Variants in RANBP2 observed in about 807,000 individuals in gnomAD.
The protein encoded by RANBP2 is E3 SUMO-protein ligase RanBP2.
A neutral mutation model predicts 303.6 loss-of-function variants in RANBP2; 57 were observed. The ratio of observed to expected loss-of-function variants is 0.19; its 90% CI spans 0.15 to 0.23. RANBP2 has a LOEUF of 0.23. RANBP2 is among the 10% of genes least tolerant of loss of function. The probability of loss-of-function intolerance (pLI) is 1.00; values close to 1 mark genes in which losing one functional copy is unlikely to be tolerated. For missense variants in RANBP2, 3,138 were observed against 3,780.8 expected (o/e 0.83, Z 4.46); for synonymous variants, 1,167 against 1,301.5 (o/e 0.90, Z 2.23).
the RANBP2 span, among the ~76,000 whole-genome samples, chr2:108,991,250 C>A: frequency 1.3e-5 from 2 of 152,036 alleles, no homozygotes; most frequent in East Asian, 3.9e-4. Context: ...ATAATTAATT[C>A]AGTTGATTAA....
At chr2:109,569,025 A>G in the RANBP2 span, among the ~76,000 whole-genome samples, 11 of 152,226 alleles carry the variant, frequency 7.2e-5, no homozygotes, top group African/African-American at 2.7e-4. Context: ...AGCTCCACAA[A>G]TTTGTGACTG....
At chr2:109,008,078 A>G in the RANBP2 span, among the ~76,000 whole-genome samples, 6 of 152,300 alleles carry the variant, frequency 3.9e-5, no homozygotes, top group South Asian at 6.2e-4. Flanking sequence ...AGAGCATTTT[A>G]CGGAACTGGC....
the RANBP2 span, among the ~76,000 whole-genome samples, chr2:108,795,670 A>G: frequency 6.6e-6 from 1 of 152,328 alleles, no homozygotes; most frequent in East Asian, 1.9e-4. Flanking sequence ...TAAAATCACC[A>G]GGAAAAGTTT....
the RANBP2 span, among the ~76,000 whole-genome samples, chr2:108,998,103 G>A: frequency 6.6e-6 from 1 of 152,172 alleles, no homozygotes; most frequent in Non-Finnish European, 1.5e-5. Context: ...CTCTGGGATT[G>A]TTCTTGCCTA....
At chr2:109,579,385 CTT>C in the RANBP2 span, among the ~76,000 whole-genome samples, 27 of 139,298 alleles carry the variant, frequency 1.9e-4, no homozygotes, top group Admixed American at 2.2e-4. Flanking sequence ...CCAGGCCCTC[CTT>C]TTTTTTTTTT....
At chr2:109,101,036 T>C in the RANBP2 span, among the ~76,000 whole-genome samples, 3 of 152,084 alleles carry the variant, frequency 2.0e-5, no homozygotes, top group Admixed American at 2.0e-4. Context: ...ACTACACCCT[T>C]GTTATAATTT....
At chr2:109,129,211 C>T in the RANBP2 span, 13 of 521,804 alleles carry the variant, frequency 2.5e-5, no homozygotes, top group South Asian at 1.0e-4. Context: ...CAGCACAGAA[C>T]CCGTTGAGCT....
chr2:109,190,476 C>A, the RANBP2 span, among the ~76,000 whole-genome samples: 3 of 152,226 alleles, frequency 2.0e-5, no homozygotes, highest in African/African-American at 7.2e-5. Context: ...GCCTGGTCGA[C>A]ATCCTATTTT....
At position 108,767,263 on chromosome 2, in the gene RANBP2, T is replaced by C; in HGVS notation, c.6724T>C (p.Ser2242Pro). The change falls in exon 20 of 29, where the codon TCA becomes CCA. Residue 2242 changes from serine to proline, a missense_variant. Coordinates refer to ENST00000283195, the MANE Select transcript of RANBP2 (RefSeq NM_006267.5). The stretch of plus-strand genomic sequence containing the variant: ...TTTGGATGATAGTGTCAGTAGTAGC[T>C]CAGTACATGCTTCTCCATTGGCAAG... ...DALDDSVSSSSVHASPLASSP... is the reference protein window; with the variant it reads ...DALDDSVSSSPVHASPLASSP... The C allele has an allele frequency of 6.2e-7, 1 of 1,612,060 alleles. No homozygotes were observed. The highest frequency in any genetic ancestry group is 8.5e-7 in the Non-Finnish European group (1 of 1,179,870).
At chr2:108,910,641 T>C in the RANBP2 span, 1 of 1,396,514 alleles carries the variant, frequency 7.2e-7, no homozygotes, top group Non-Finnish European at 1.0e-6. Flanking sequence ...GGTGTCTGTG[T>C]GGCACCACCC....
chr2:109,033,611 G>A, the RANBP2 span, among the ~76,000 whole-genome samples: 1 of 152,122 alleles, frequency 6.6e-6, no homozygotes, highest in Non-Finnish European at 1.5e-5. Flanking sequence ...ACAATGTAGG[G>A]TATCTCATTG....
At chr2:109,452,847 T>TGGGAGGCTGGTCCC in the RANBP2 span, among the ~76,000 whole-genome samples, 1 of 118,476 alleles carries the variant, frequency 8.4e-6, no homozygotes, top group Admixed American at 8.4e-5. Flanking sequence ...GGCTGGTCCC[T>TGGGAGGCTGGTCCC]GGGAGGCTGG....
At chr2:109,071,472 A>C in the RANBP2 span, among the ~76,000 whole-genome samples, 48 of 152,222 alleles carry the variant, frequency 3.2e-4, no homozygotes, top group Non-Finnish European at 6.0e-4. Flanking sequence ...TTAGGAGTTC[A>C]AGACCAGCCT....
the RANBP2 span, among the ~76,000 whole-genome samples, chr2:109,693,702 C>T: frequency 1.3e-5 from 2 of 152,176 alleles, no homozygotes; most frequent in African/African-American, 4.8e-5. Flanking sequence ...TTATAAATTA[C>T]CCATGTCAGG....
At chr2:109,510,936 C>T in the RANBP2 span, among the ~76,000 whole-genome samples, 3 of 152,172 alleles carry the variant, frequency 2.0e-5, no homozygotes, top group African/African-American at 7.2e-5. Flanking sequence ...ATGGCAAGTG[C>T]GTGTTAAGCA....
chr2:109,415,909 G>C, the RANBP2 span, among the ~76,000 whole-genome samples: 3 of 152,116 alleles, frequency 2.0e-5, no homozygotes, highest in Non-Finnish European at 4.4e-5. Flanking sequence ...GGTCACAAGG[G>C]CAAGGCTGAA....
At chr2:109,009,622 C>A in the RANBP2 span, among the ~76,000 whole-genome samples, 1 of 151,922 alleles carries the variant, frequency 6.6e-6, no homozygotes, top group African/African-American at 2.4e-5. Flanking sequence ...AACTCCAGGG[C>A]TCAAGCTATC....
At chr2:109,428,183 G>A in the RANBP2 span, among the ~76,000 whole-genome samples, 3 of 152,240 alleles carry the variant, frequency 2.0e-5, no homozygotes, top group East Asian at 1.9e-4. Flanking sequence ...GTAGAAGTGG[G>A]ACTTCTGGTA....
the RANBP2 span, among the ~76,000 whole-genome samples, chr2:108,966,885 G>A: frequency 6.6e-6 from 1 of 152,228 alleles, no homozygotes; most frequent in Non-Finnish European, 1.5e-5. Context: ...GGGAGACAGA[G>A]AGGGACCCTC....
Sources: allele counts gnomAD v4.1 joint callset (sites outside exome capture counted in the v4.1 genomes callset), GRCh38; gene constraint gnomAD v4.1.1; transcripts MANE v1.5; gene names NCBI Gene and HGNC (gene_info 2026-07-23, HGNC 2026-07-21).